The following SYNPO variants were observed in gnomAD, a reference collection of about 807,000 sequenced individuals.
SYNPO encodes synaptopodin.
In SYNPO, 19 loss-of-function variants were observed where a neutral mutation model predicts 49.5. That is an observed-to-expected ratio of 0.38 (90% confidence interval 0.27 to 0.56). The LOEUF is 0.56. SYNPO is among the 20% of genes least tolerant of loss of function. SYNPO has a pLI of 0.68. For missense variants in SYNPO, 1,131 were observed against 1,248.3 expected, an observed-to-expected ratio of 0.91 and a Z score of 1.42; for synonymous variants, 536 against 548.0, an observed-to-expected ratio of 0.98 and a Z score of 0.31.
chr5:150,616,610 G>A (rs1296927093), intron 1 of SYNPO, among the ~76,000 whole-genome samples: 14 of 152,074 alleles, frequency 9.2e-5, no homozygotes, highest in Admixed American at 7.2e-4. Flanking sequence ...ATGTGGAACC[G>A]CCCACTGCTC....
At chr5:150,599,355 A>G (rs1756480686), upstream of SYNPO, among the ~76,000 whole-genome samples, 1 of 151,992 alleles carries the variant, frequency 6.6e-6, no homozygotes, top group Non-Finnish European at 1.5e-5. Context: ...TTTTTCATGG[A>G]TGGTTTGGGG....
intron 1 of SYNPO, among the ~76,000 whole-genome samples, chr5:150,601,936 T>C (rs1199561369): frequency 6.6e-6 from 1 of 152,232 alleles, no homozygotes; most frequent in African/African-American, 2.4e-5. Flanking sequence ...ACATCTGTTT[T>C]CATCTTTTTC....
chr5:150,593,332 C>T, the SYNPO span, among the ~76,000 whole-genome samples: 1 of 152,230 alleles, frequency 6.6e-6, no homozygotes, highest in Non-Finnish European at 1.5e-5. Flanking sequence ...GCAGGAGTTG[C>T]AGGCAGAGCC....
At chr5:150,618,814 C>A (rs1757059873) in intron 2 of SYNPO, 2 of 1,546,924 alleles carry the variant, frequency 1.3e-6, no homozygotes, top group Non-Finnish European at 1.7e-6. Context: ...TCACTGGAGA[C>A]CCCCCAGGTC....
upstream of SYNPO, among the ~76,000 whole-genome samples, chr5:150,598,527 C>A (rs142640580): frequency 2.0e-4 from 31 of 152,214 alleles, no homozygotes; most frequent in Non-Finnish European, 3.7e-4. Context: ...GCATGTGAAA[C>A]GCTTAGTACA....
chr5:150,619,467 T>C (rs533405350), intron 2 of SYNPO, among the ~76,000 whole-genome samples: 2 of 152,250 alleles, frequency 1.3e-5, no homozygotes, highest in East Asian at 3.9e-4. Flanking sequence ...GAGAGCACAG[T>C]GTGCGCGGCA....
chr5:150,630,587 A>C (rs1420952975), intron 2 of SYNPO, among the ~76,000 whole-genome samples: 2 of 152,048 alleles, frequency 1.3e-5, no homozygotes, highest in African/African-American at 4.8e-5. Flanking sequence ...GCATGCCACC[A>C]CCCAACCTGA....
intron 2 of SYNPO, chr5:150,651,266 G>A (rs1041621064): frequency 2.0e-6 from 2 of 1,001,426 alleles, no homozygotes; most frequent in African/African-American, 3.5e-5. Context: ...GTGGAACGGG[G>A]CCCAGGGGGA....
chr5:150,609,937 G>A (rs1236071235), intron 1 of SYNPO, among the ~76,000 whole-genome samples: 1 of 152,224 alleles, frequency 6.6e-6, no homozygotes, highest in Non-Finnish European at 1.5e-5. Context: ...TGTGCAGAGT[G>A]GCCTCTGCCC....
At chr5:150,595,829 C>A in the SYNPO span, among the ~76,000 whole-genome samples, 1 of 121,682 alleles carries the variant, frequency 8.2e-6, no homozygotes, top group African/African-American at 3.0e-5. Flanking sequence ...TCCTCTCATT[C>A]TCTCCAAGTT....
In SYNPO at chr5:150,648,249, C is replaced by T. The variant is rs1170228215; in HGVS notation, c.-27C>T. ...TCCACGGCACCCCAGTCCCCAGAGCCCCGACAGAGGGGTCCCTGGCCACAG... is the reference window on the plus strand; with the variant it reads ...TCCACGGCACCCCAGTCCCCAGAGCTCCGACAGAGGGGTCCCTGGCCACAG... On this transcript the variant is annotated 5_prime_UTR_variant, in exon 2 of 3. Transcript: ENST00000307662. This position sits in a 1 kb window ranked among gnomAD's most constrained non-coding sequence, Gnocchi z 5.0. 2 of 1,613,914 alleles carry T rather than the reference C, an allele frequency of 1.2e-6. No individual in the cohort carries two copies. The highest frequency in any genetic ancestry group is 1.7e-6 in the Non-Finnish European group (2 of 1,179,910).
At position 150,657,324 on chromosome 5, in the gene SYNPO, C is replaced by A; in HGVS notation, c.*237C>A. On this transcript the variant is annotated 3_prime_UTR_variant, in exon 3 of 3. Transcript: ENST00000307662. ...CTTGTTTGACCCTCAGCTTTCCCAT[C>A]TGTTTAATGGTGGCTTTGGCCAAGG... The A allele has an allele frequency of 1.8e-6, 1 of 565,280 alleles. No homozygotes were observed. The highest frequency in any genetic ancestry group is 3.1e-6 in the Non-Finnish European group (1 of 320,598). The allele number at this position is 565,280 out of a possible 1,614,324, so 35.0% of individuals were successfully genotyped here.
intron 1 of SYNPO, among the ~76,000 whole-genome samples, chr5:150,641,123 G>A (rs1319738679): frequency 6.6e-6 from 1 of 152,242 alleles, no homozygotes; most frequent in East Asian, 1.9e-4. Flanking sequence ...GCCGACCCCA[G>A]TCAGATTGCG....
At chr5:150,613,780 G>T (rs1181095576) in intron 1 of SYNPO, among the ~76,000 whole-genome samples, 1 of 152,130 alleles carries the variant, frequency 6.6e-6, no homozygotes, top group Non-Finnish European at 1.5e-5. Flanking sequence ...TAGATCTTGT[G>T]ATTTCCCCAG....
At chr5:150,626,326 C>G (rs113285368) in intron 2 of SYNPO, among the ~76,000 whole-genome samples, 1 of 152,224 alleles carries the variant, frequency 6.6e-6, no homozygotes, top group Non-Finnish European at 1.5e-5. Context: ...TCCCCTTCCT[C>G]TGTCTCCTTA....
intron 2 of SYNPO, chr5:150,653,510 T>C (rs1758461181): frequency 6.6e-6 from 1 of 152,320 alleles, no homozygotes; most frequent in Non-Finnish European, 1.5e-5. Flanking sequence ...TCCGCTGCCT[T>C]GGGTGGTTAT....
intron 2 of SYNPO, chr5:150,650,590 T>C (rs1008622178): frequency 1.4e-6 from 2 of 1,451,402 alleles, no homozygotes; most frequent in African/African-American, 2.9e-5. Context: ...GAGAGAGAAC[T>C]GTCTGGCAGC....
intron 2 of SYNPO, among the ~76,000 whole-genome samples, chr5:150,631,709 C>T (rs905086462): frequency 6.6e-6 from 1 of 152,096 alleles, no homozygotes; most frequent in South Asian, 2.1e-4. Flanking sequence ...ATAGTGCTAT[C>T]GACAGACCCC....
chr5:150,627,999 C>CGTGTGT (rs143004615), intron 2 of SYNPO, among the ~76,000 whole-genome samples: 5 of 145,764 alleles, frequency 3.4e-5, no homozygotes, highest in Non-Finnish European at 7.5e-5. Context: ...CTAAGTTAGT[C>CGTGTGT]GTGTGTGTGT....
Sources: allele counts gnomAD v4.1 joint callset (sites outside exome capture counted in the v4.1 genomes callset), GRCh38; gene constraint gnomAD v4.1.1; non-coding constraint Gnocchi (gnomAD v3.1); transcripts MANE v1.5; gene names NCBI Gene and HGNC (gene_info 2026-07-23, HGNC 2026-07-21).